UGT2A2: variants seen among roughly 807,000 people sequenced by gnomAD.
UGT2A2 encodes the protein UDP glucuronosyltransferase family 2 member A2.
Under a neutral mutation model 50.7 loss-of-function variants are expected in UGT2A2, and 60 were observed. The observed-to-expected ratio is 1.18, with a 90% CI of 0.96 to 1.47. The LOEUF (loss-of-function observed/expected upper bound fraction) is 1.47, where lower values mean the gene tolerates loss of function less well. UGT2A2 is among the 40% of genes most tolerant of loss of function. The pLI, the probability that UGT2A2 is intolerant of heterozygous loss-of-function variation, is 0.00. For synonymous variants in UGT2A2, 242 were observed against 214.6 expected, an observed-to-expected ratio of 1.13 and a Z score of -1.11; for missense variants, 762 against 634.0, an observed-to-expected ratio of 1.20 and a Z score of -2.17.
At chr4:69,624,803 G>T (rs77498680) in intron 1 of UGT2A2, among the ~76,000 whole-genome samples, 41,168 of 150,694 alleles carry the variant, frequency 0.27, 5,864 homozygotes, top group South Asian at 0.32. Context: ...TTATCATTTT[G>T]GTTTTAAGCA....
intron 1 of UGT2A2, among the ~76,000 whole-genome samples, chr4:69,604,955 C>T (rs1363835655): frequency 7.3e-6 from 1 of 136,262 alleles, no homozygotes; most frequent in African/African-American, 3.0e-5. Flanking sequence ...GACTTAGACT[C>T]CCACACAATA....
chr4:69,597,306 T>C (rs1031701158), intron 2 of UGT2A2, among the ~76,000 whole-genome samples: 1 of 152,184 alleles, frequency 6.6e-6, no homozygotes, highest in Admixed American at 6.5e-5. Flanking sequence ...CTTCTTGATG[T>C]ATAAGCTGCC....
intron 1 of UGT2A2, among the ~76,000 whole-genome samples, chr4:69,637,566 G>T (rs1423770969): frequency 6.6e-6 from 1 of 151,988 alleles, no homozygotes; most frequent in Non-Finnish European, 1.5e-5. Flanking sequence ...ACTTCCCTCA[G>T]GTCTTTGGCC....
rs551325310 is a variant in UGT2A2 at position 69,591,280 on chromosome 4, A to G, written c.1332-1629T>C. Among the ~76,000 whole-genome samples the G allele has an allele frequency of 3.3e-5, 5 of 152,294 alleles. No individual in the cohort carries two copies. The East Asian group carries it at 7.7e-4, about 23-fold the overall frequency. On this transcript the variant is annotated intron_variant, in intron 5 of 5. Coordinates refer to ENST00000604629, the MANE Select transcript of UGT2A2 (RefSeq NM_001105677.2). ...GCAGCTTGGTTTTTACATTTTAGGAAGGCATAAGACATTAATCAAATATGT... is the reference window on the plus strand; with the variant it reads ...GCAGCTTGGTTTTTACATTTTAGGAGGGCATAAGACATTAATCAAATATGT...
chr4:69,637,173 C>T (rs866767219), intron 1 of UGT2A2, among the ~76,000 whole-genome samples: 4 of 151,970 alleles, frequency 2.6e-5, no homozygotes, highest in African/African-American at 7.2e-5. Context: ...AAAGAAACTA[C>T]GGTTAAATTA....
At chr4:69,596,872 T>C (rs1235925339) in intron 2 of UGT2A2, among the ~76,000 whole-genome samples, 1 of 152,286 alleles carries the variant, frequency 6.6e-6, no homozygotes, top group South Asian at 2.1e-4. Context: ...ATAACTTAAA[T>C]ATATAATCAG....
intron 1 of UGT2A2, among the ~76,000 whole-genome samples, chr4:69,615,438 T>A (rs926480639): frequency 5.9e-5 from 9 of 151,654 alleles, no homozygotes; most frequent in African/African-American, 1.9e-4. Context: ...GAAGAAACAG[T>A]CTACAAAATG....
At chr4:69,619,984 T>A (rs184190964) in intron 1 of UGT2A2, among the ~76,000 whole-genome samples, 54 of 151,962 alleles carry the variant, frequency 3.6e-4, no homozygotes, top group African/African-American at 1.3e-3. Context: ...GAAACATACC[T>A]CAAAATAATA....
At chr4:69,626,027 G>A (rs1479114137) in intron 1 of UGT2A2, among the ~76,000 whole-genome samples, 1 of 151,484 alleles carries the variant, frequency 6.6e-6, no homozygotes, top group Non-Finnish European at 1.5e-5. Flanking sequence ...ATTCTATCAT[G>A]TATGTCATGA....
chr4:69,596,758 G>T (rs1718957355), intron 2 of UGT2A2, among the ~76,000 whole-genome samples: 1 of 152,174 alleles, frequency 6.6e-6, no homozygotes, highest in Admixed American at 6.5e-5. Flanking sequence ...CTGGCCTCCA[G>T]TGATCCACCT....
In UGT2A2 at chr4:69,639,550, T is replaced by C. The variant is rs773910979; in HGVS notation, c.91A>G (p.Asn31Asp). The C allele has an allele frequency of 6.2e-7, 1 of 1,612,834 alleles. No individual in the cohort carries two copies. The highest frequency in any genetic ancestry group is 8.5e-7 in the Non-Finnish European group (1 of 1,179,406). The change falls in exon 1 of 6, where the codon AAT becomes GAT. Residue 31 changes from asparagine to aspartate, a missense_variant. By Grantham distance (23) the Asn-to-Asp change is conservative (BLOSUM62 1). Coordinates refer to ENST00000604629, the MANE Select transcript of UGT2A2 (RefSeq NM_001105677.2). ...CCATCTGTAGGCCAAATTAACACAT[T>C]CCCACTTAGAACAACTTCAGTCAGA... is the stretch of plus-strand genomic sequence containing the variant. ...LTLTEVVLSG[N>D]VLIWPTDGSH...
intron 1 of UGT2A2, among the ~76,000 whole-genome samples, chr4:69,627,521 GA>G (rs1721138259): frequency 2.4e-5 from 3 of 126,172 alleles, no homozygotes; most frequent in Non-Finnish European, 5.1e-5. Flanking sequence ...AAGAAAGAAA[GA>G]AGAAAGAAAG....
In UGT2A2 at chr4:69,626,877, TC is replaced by T. The variant is rs141383252; in HGVS notation, c.742+12021del. The stretch of plus-strand genomic sequence containing the variant: ...ATTTTGGAACCTTCTTCACAGTAGT[TC>T]CTGTATTCTTTTGAAATGGCTCCAT... On this transcript the variant is annotated intron_variant, in intron 1 of 5. Coordinates refer to ENST00000604629, the MANE Select transcript of UGT2A2 (RefSeq NM_001105677.2). Among the ~76,000 whole-genome samples, 51 of 151,926 alleles carry T rather than the reference TC, an allele frequency of 3.4e-4. No individual in the cohort carries two copies. The East Asian group carries it at 9.3e-3, about 28-fold the overall frequency.
chr4:69,610,191 T>C (rs1272548366), intron 1 of UGT2A2, among the ~76,000 whole-genome samples: 2 of 152,140 alleles, frequency 1.3e-5, no homozygotes, highest in Non-Finnish European at 2.9e-5. Context: ...TATTTTTAAA[T>C]GTGCAAAAAT....
At chr4:69,632,270 T>C (rs566487469) in intron 1 of UGT2A2, among the ~76,000 whole-genome samples, 5 of 152,276 alleles carry the variant, frequency 3.3e-5, no homozygotes, top group African/African-American at 1.2e-4. Context: ...TAACATGTAA[T>C]GTTACAAAGC....
At chr4:69,631,614 T>G (rs1721390582) in intron 1 of UGT2A2, among the ~76,000 whole-genome samples, 2 of 152,194 alleles carry the variant, frequency 1.3e-5, no homozygotes, top group Non-Finnish European at 1.5e-5. Flanking sequence ...TTCAATGTAG[T>G]CAGATATTTG....
chr4:69,598,374 T>C (rs1356319503), intron 2 of UGT2A2, among the ~76,000 whole-genome samples: 1 of 152,180 alleles, frequency 6.6e-6, no homozygotes, highest in African/African-American at 2.4e-5. Flanking sequence ...GTTCCTACCA[T>C]GTGTACCTGT....
chr4:69,610,020 A>G (rs992079776), intron 1 of UGT2A2, among the ~76,000 whole-genome samples: 5 of 152,176 alleles, frequency 3.3e-5, no homozygotes, highest in African/African-American at 1.2e-4. Context: ...GCAGACCTAT[A>G]AAGTTTTTAA....
chr4:69,627,756 T>G (rs1721172586), intron 1 of UGT2A2, among the ~76,000 whole-genome samples: 1 of 151,884 alleles, frequency 6.6e-6, no homozygotes, highest in South Asian at 2.1e-4. Flanking sequence ...AAACTGGAAT[T>G]AATGATGAAC....
Sources: allele counts gnomAD v4.1 joint callset (sites outside exome capture counted in the v4.1 genomes callset), GRCh38; gene constraint gnomAD v4.1.1; transcripts MANE v1.5; gene names NCBI Gene and HGNC (gene_info 2026-07-23, HGNC 2026-07-21).